The following C7orf78 variants were observed in gnomAD, a reference collection of about 807,000 sequenced individuals.
C7orf78 encodes chromosome 7 open reading frame 78.
At chr7:12,534,780 C>T in the C7orf78 span, among the ~76,000 whole-genome samples, 3 of 152,222 alleles carry the variant, frequency 2.0e-5, no homozygotes, top group South Asian at 6.2e-4. Context: ...TTAGGAAATC[C>T]TGTCTCTACA....
chr7:12,525,356 G>C, the C7orf78 span, among the ~76,000 whole-genome samples: 1 of 152,086 alleles, frequency 6.6e-6, no homozygotes, highest in African/African-American at 2.4e-5. Context: ...TTCCAGGCTT[G>C]ATAAATTATT....
At chr7:12,502,343 G>C in the C7orf78 span, among the ~76,000 whole-genome samples, 1 of 143,232 alleles carries the variant, frequency 7.0e-6, no homozygotes, top group Non-Finnish European at 1.5e-5. Context: ...TCTGACAAAG[G>C]GCTAATATCC....
chr7:12,489,743 AT>A, the C7orf78 span, among the ~76,000 whole-genome samples: 1 of 152,180 alleles, frequency 6.6e-6, no homozygotes, highest in Non-Finnish European at 1.5e-5. Flanking sequence ...CAAAATTGCT[AT>A]GTAGGACATA....
At chr7:12,527,649 C>T in the C7orf78 span, among the ~76,000 whole-genome samples, 1 of 135,140 alleles carries the variant, frequency 7.4e-6, no homozygotes, top group Non-Finnish European at 1.6e-5. Context: ...TGGAACATGT[C>T]AGCTTTCCTA....
the C7orf78 span, among the ~76,000 whole-genome samples, chr7:12,512,734 G>T: frequency 6.6e-6 from 1 of 152,076 alleles, no homozygotes; most frequent in African/African-American, 2.4e-5. Context: ...CAATTTTTTG[G>T]AATAGTTTGA....
chr7:12,517,263 C>G, the C7orf78 span, among the ~76,000 whole-genome samples: 1 of 152,110 alleles, frequency 6.6e-6, no homozygotes, highest in African/African-American at 2.4e-5. Context: ...TTCTCATTTT[C>G]TCTTGCCACC....
At chr7:12,519,762 A>G in the C7orf78 span, among the ~76,000 whole-genome samples, 2 of 152,096 alleles carry the variant, frequency 1.3e-5, no homozygotes, top group African/African-American at 4.8e-5. Flanking sequence ...GGGGACCCCA[A>G]GCATCTTTGG....
the C7orf78 span, among the ~76,000 whole-genome samples, chr7:12,486,229 G>A: frequency 1.3e-5 from 2 of 151,928 alleles, no homozygotes; most frequent in African/African-American, 2.4e-5. Context: ...GAATAGTTAT[G>A]GTGTAATAGA....
chr7:12,525,222 A>C, the C7orf78 span, among the ~76,000 whole-genome samples: 1 of 152,090 alleles, frequency 6.6e-6, no homozygotes, highest in Non-Finnish European at 1.5e-5. Context: ...TTGAGTAGAG[A>C]CCTTTGTGAT....
the C7orf78 span, among the ~76,000 whole-genome samples, chr7:12,487,627 C>G: frequency 8.7e-4 from 133 of 152,014 alleles, 1 homozygote; most frequent in Non-Finnish European, 1.4e-3. Context: ...AGGAATTAAA[C>G]GAATCCAGCA....
the C7orf78 span, chr7:12,506,699 G>A: frequency 4.4e-6 from 1 of 228,848 alleles, no homozygotes; most frequent in African/African-American, 2.4e-5. Flanking sequence ...TAAATGTCGA[G>A]TTGATAGGTA....
the C7orf78 span, among the ~76,000 whole-genome samples, chr7:12,530,119 A>T: frequency 2.0e-5 from 3 of 152,084 alleles, no homozygotes; most frequent in Admixed American, 6.5e-5. Flanking sequence ...AGATTCAAAG[A>T]TTCCCCAATT....
At chr7:12,540,357 GTGTAAGACAGGATGTATT>G in the C7orf78 span, among the ~76,000 whole-genome samples, 1 of 152,208 alleles carries the variant, frequency 6.6e-6, no homozygotes, top group Non-Finnish European at 1.5e-5. Flanking sequence ...AAGTTGAATT[GTGTAAGACAGGATGTATT>G]TAGAAGTCCT....
the C7orf78 span, among the ~76,000 whole-genome samples, chr7:12,525,007 T>G: frequency 1.3e-5 from 2 of 152,162 alleles, no homozygotes; most frequent in African/African-American, 4.8e-5. Flanking sequence ...TTGTTACAAA[T>G]TAAACCTCAG....
chr7:12,511,622 A>G, the C7orf78 span, among the ~76,000 whole-genome samples: 52 of 152,240 alleles, frequency 3.4e-4, 1 homozygote, highest in Admixed American at 2.6e-3. Context: ...ATTTCTTTGT[A>G]GCTATAGAAA....
the C7orf78 span, among the ~76,000 whole-genome samples, chr7:12,528,745 G>C: frequency 6.6e-6 from 1 of 152,208 alleles, no homozygotes; most frequent in Non-Finnish European, 1.5e-5. Flanking sequence ...AGGACTGGCA[G>C]AAAGAATAAG....
chr7:12,493,640 A>G, the C7orf78 span, among the ~76,000 whole-genome samples: 5 of 152,252 alleles, frequency 3.3e-5, no homozygotes, highest in African/African-American at 1.2e-4. Flanking sequence ...CCTCAGGCCA[A>G]ACTGGATGGG....
chr7:12,492,201 G>A, the C7orf78 span, among the ~76,000 whole-genome samples: 5 of 152,074 alleles, frequency 3.3e-5, no homozygotes, highest in East Asian at 9.6e-4. Flanking sequence ...AAACTACTGC[G>A]ATGGTAATAC....
the C7orf78 span, among the ~76,000 whole-genome samples, chr7:12,523,677 G>C: frequency 1.3e-5 from 2 of 152,108 alleles, no homozygotes; most frequent in Non-Finnish European, 2.9e-5. Context: ...GGCCAACTCT[G>C]AGATAGGCTT....
Sources: allele counts gnomAD v4.1 joint callset (sites outside exome capture counted in the v4.1 genomes callset), GRCh38; gene constraint gnomAD v4.1.1; transcripts MANE v1.5; gene names NCBI Gene and HGNC (gene_info 2026-07-23, HGNC 2026-07-21).